CFHR5: variants seen among roughly 807,000 people sequenced by gnomAD.
The protein encoded by CFHR5 is complement factor H-related protein 5.
A neutral mutation model predicts 62.9 loss-of-function variants in CFHR5; 73 were observed. That is an observed-to-expected ratio of 1.16 (90% CI 0.96 to 1.41). The LOEUF (loss-of-function observed/expected upper bound fraction) is 1.41, where lower values mean the gene tolerates loss of function less well. CFHR5 is among the 40% of genes most tolerant of loss of function. CFHR5 has a pLI of 0.00. For synonymous variants in CFHR5, 249 were observed against 227.2 expected (o/e 1.10, Z -0.86); for missense variants, 779 against 679.9 (o/e 1.15, Z -1.62).
chr1:197,002,504 A>T lies in CFHR5; in HGVS notation c.1170A>T (p.Pro390=), dbSNP rs1654178791. 6.2e-7 allele frequency: 1 copy of T among 1,613,300 alleles called. No individual in the cohort carries two copies. The highest frequency in any genetic ancestry group is 1.1e-5 in the South Asian group (1 of 91,018). The change falls in exon 8 of 10, where the codon CCA becomes CCT. Residue 390 remains proline (P), a synonymous_variant. Coordinates refer to ENST00000256785, the MANE Select transcript of CFHR5 (RefSeq NM_030787.4). The stretch of plus-strand genomic sequence containing the variant: ...TAGAAAAAAGGGAACAATTCTGCCC[A>T]CCGCCACCTCAGATACCTAATGCTC... The part of the protein sequence containing the change: ...DCTEKREQFC[P]PPPQIPNAQN...
At chr1:196,994,327 G>A in intron 4 of CFHR5, 71 bp downstream of exon 4, 13 of 1,213,994 alleles carry the variant, frequency 1.1e-5, no homozygotes, top group Non-Finnish European at 1.6e-5. Context: ...ATTTTTATTG[G>A]AGCTTATATT....
At chr1:196,980,718 C>T (rs769252660) in intron 1 of CFHR5, among the ~76,000 whole-genome samples, 1 of 151,724 alleles carries the variant, frequency 6.6e-6, no homozygotes, top group African/African-American at 2.4e-5. Context: ...TGTTGTGTAA[C>T]GGCAGGCTTG....
At chr1:196,980,969 G>A (rs977217892) in intron 1 of CFHR5, among the ~76,000 whole-genome samples, 1 of 152,070 alleles carries the variant, frequency 6.6e-6, no homozygotes, top group Non-Finnish European at 1.5e-5. Flanking sequence ...ATCAAGACAC[G>A]AGGGAGTCTT....
At chr1:196,978,218 T>C (rs576877481) in intron 1 of CFHR5, among the ~76,000 whole-genome samples, 1 of 152,280 alleles carries the variant, frequency 6.6e-6, no homozygotes, top group East Asian at 1.9e-4. Context: ...AATGAAACAA[T>C]AGAAAATATT....
chr1:196,989,523 C>T (rs565971754), intron 3 of CFHR5, among the ~76,000 whole-genome samples: 2 of 152,188 alleles, frequency 1.3e-5, no homozygotes, highest in African/African-American at 2.4e-5. Context: ...ATAAATTTCC[C>T]TCTACACACT....
intron 3 of CFHR5, among the ~76,000 whole-genome samples, chr1:196,993,663 T>A (rs2125033226): frequency 6.6e-6 from 1 of 152,310 alleles, no homozygotes; most frequent in South Asian, 2.1e-4. Context: ...GTTGCAATTT[T>A]ATTTTGTTAC....
At chr1:197,003,744 G>T (rs143734942) in intron 8 of CFHR5, among the ~76,000 whole-genome samples, 6 of 152,246 alleles carry the variant, frequency 3.9e-5, no homozygotes, top group Non-Finnish European at 7.4e-5. Context: ...AAGTAAATGT[G>T]TTCAAAAGGG....
Position 196,990,838 on chromosome 1 carries a change from A to G in CFHR5, c.431-3242A>G, listed in dbSNP as rs139830560. Among the ~76,000 whole-genome samples, 114 of 152,106 alleles carry G rather than the reference A, an allele frequency of 7.5e-4. 1 individual carries two copies. The East Asian group carries it at 0.02, about 27-fold the overall frequency. ...TCATTTCAACCTTGGTGAATCTGACAATTATGTGTCCTGCTCTTCTCGAGG... is the reference window on the plus strand; with the variant it reads ...TCATTTCAACCTTGGTGAATCTGACGATTATGTGTCCTGCTCTTCTCGAGG... On this transcript the variant is annotated intron_variant, in intron 3 of 9. Transcript: ENST00000256785.
chr1:196,984,690 A>G (rs1013676189), intron 3 of CFHR5, among the ~76,000 whole-genome samples: 1 of 152,274 alleles, frequency 6.6e-6, no homozygotes, highest in South Asian at 2.1e-4. Context: ...CTTCATCTTT[A>G]TAGCTCTTCA....
chr1:196,998,489 T>C (rs1276929559), intron 7 of CFHR5, among the ~76,000 whole-genome samples, 185 bp downstream of exon 7: 1 of 152,056 alleles, frequency 6.6e-6, no homozygotes, highest in Non-Finnish European at 1.5e-5. Context: ...CTTGGCTTTC[T>C]GGTAAAGATG....
intron 2 of CFHR5, among the ~76,000 whole-genome samples, chr1:196,983,458 G>A (rs1166966468): frequency 1.3e-5 from 2 of 152,046 alleles, no homozygotes; most frequent in Non-Finnish European, 2.9e-5. Flanking sequence ...CATATTGCGA[G>A]GTAAGGTTTG....
Position 196,984,137 on chromosome 1 carries a change from A to G in CFHR5, c.430A>G (p.Lys144Glu). Reference sequence around the variant, plus strand: ...CACTCCTCCCATATGCAGCTTCACTAGTAAGCAAAATACCACTCTCTCAGT... The same window carrying G: ...CACTCCTCCCATATGCAGCTTCACTGGTAAGCAAAATACCACTCTCTCAGT... ...WSTPPICSFTKGECHVPILEA... is the reference protein window; with the variant it reads ...WSTPPICSFTEGECHVPILEA... The change falls in exon 3 of 10, where the codon AAA (lysine) becomes GAA (glutamate). Residue 144 changes from lysine (K) to glutamate (E), a missense_variant and splice_region_variant. Transcript: ENST00000256785. 1 of 1,612,312 alleles carries G rather than the reference A, an allele frequency of 6.2e-7. No homozygotes were observed. Among genetic ancestry groups the G allele is most frequent in the Non-Finnish European group, 8.5e-7 (1 of 1,178,538 alleles).
intron 7 of CFHR5, among the ~76,000 whole-genome samples, chr1:196,999,299 T>C (rs982756129): frequency 1.3e-5 from 2 of 151,866 alleles, no homozygotes; most frequent in South Asian, 4.1e-4. Context: ...TCATTATATA[T>C]TTTTTCTATT....
intron 3 of CFHR5, among the ~76,000 whole-genome samples, chr1:196,988,844 G>T (rs185948512): frequency 3.4e-4 from 51 of 152,010 alleles, no homozygotes; most frequent in African/African-American, 1.1e-3. Flanking sequence ...TTTTTGTTGT[G>T]TCTCTGCCAG....
At chr1:197,004,208 T>A (rs918134036) in intron 8 of CFHR5, among the ~76,000 whole-genome samples, 1 of 152,164 alleles carries the variant, frequency 6.6e-6, no homozygotes, top group Non-Finnish European at 1.5e-5. Flanking sequence ...GCCTACAATA[T>A]TATTTGGTAT....
chr1:196,998,081 TTTA>T, intron 6 of CFHR5, 44 bp from the exon 7 acceptor site: 1 of 1,185,124 alleles, frequency 8.4e-7, no homozygotes, highest in Non-Finnish European at 1.2e-6. Flanking sequence ...TTGCAGATAT[TTTA>T]TTGACATAAT....
rs115348437 is a variant in CFHR5, at chr1:196,980,507, T to A, written c.59-2378T>A. ...TAGGAATTTTTCAGCTACATTATAA[T>A]CTTATGGGACCACTGTGATATAAGT... On this transcript the variant is annotated intron_variant, in intron 1 of 9. Coordinates refer to ENST00000256785, the MANE Select transcript of CFHR5 (RefSeq NM_030787.4). Among the ~76,000 whole-genome samples the A allele has an allele frequency of 7.6e-3, 1,156 of 152,184 alleles. 19 individuals are homozygous for A. The highest frequency in any genetic ancestry group is 0.027 in the African/African-American group (1,120 of 41,518).
intron 3 of CFHR5, among the ~76,000 whole-genome samples, chr1:196,989,720 C>T (rs952364837): frequency 3.9e-5 from 6 of 152,150 alleles, no homozygotes; most frequent in South Asian, 4.1e-4. Flanking sequence ...CTTGCTTGCA[C>T]TGTGGTATGA....
rs187789914 is a variant in CFHR5 at position 196,989,676 on chromosome 1, G to A, written c.431-4404G>A. The stretch of plus-strand genomic sequence containing the variant: ...GTGTTCAGTTTCCATGTAGTGGTGC[G>A]GTTTTGAGTGAGTTTCTTAATCCTG... On this transcript the variant is annotated intron_variant, in intron 3 of 9. Coordinates refer to ENST00000256785, the MANE Select transcript of CFHR5 (RefSeq NM_030787.4). Among the ~76,000 whole-genome samples the A allele has an allele frequency of 2.0e-3, 311 of 152,194 alleles. 1 individual carries two copies. Among genetic ancestry groups the A allele is most frequent in the African/African-American group, 7.0e-3 (289 of 41,526 alleles).
Sources: allele counts gnomAD v4.1 joint callset (sites outside exome capture counted in the v4.1 genomes callset), GRCh38; gene constraint gnomAD v4.1.1; transcripts MANE v1.5; gene names NCBI Gene and HGNC (gene_info 2026-07-23, HGNC 2026-07-21).